Variants in ROBO3 observed in about 807,000 individuals in gnomAD.
ROBO3 encodes the protein roundabout homolog 3.
In ROBO3, 97 loss-of-function variants were observed where a neutral mutation model predicts 160.5. That is an observed-to-expected ratio of 0.60 (90% CI 0.51 to 0.72). ROBO3 has a LOEUF of 0.72. Ranked by LOEUF, ROBO3 falls within the 30% of genes least tolerant of loss-of-function variation. The pLI, the probability that ROBO3 is intolerant of heterozygous loss-of-function variation, is 0.00. For synonymous variants in ROBO3, 780 were observed against 746.2 expected (o/e 1.05, Z -0.74); for missense variants, 1,858 against 1,846.5 (o/e 1.01, Z -0.11).
intron 1 of ROBO3, among the ~76,000 whole-genome samples, chr11:124,866,604 G>T (rs969327995): frequency 6.6e-6 from 1 of 152,254 alleles, no homozygotes; most frequent in African/African-American, 2.4e-5. Context: ...TGGAGAGAAA[G>T]GAGACCCTGG....
intron 27 of ROBO3, 129 bp downstream of exon 27, chr11:124,880,737 A>T: frequency 2.3e-6 from 3 of 1,284,780 alleles, no homozygotes; most frequent in Non-Finnish European, 3.1e-6. Context: ...CGAGAGGGTG[A>T]GGGGGAGGGA....
At chr11:124,870,537 C>T in intron 5 of ROBO3, 64 bp from the exon 6 acceptor site, 2 of 1,608,650 alleles carry the variant, frequency 1.2e-6, no homozygotes, top group Non-Finnish European at 1.7e-6. Context: ...TGGTGTCTGT[C>T]CTGGGGGAGA....
Position 124,871,046 on chromosome 11 carries a change from C to T in ROBO3, c.1066C>T (p.Gln356Ter), listed in dbSNP as rs1946274619. Residue 356 changes from glutamine (Q) to a stop codon, truncating the protein, a stop_gained, in exon 7 of 28, where the codon CAG becomes TAG. Coordinates refer to ENST00000397801, the MANE Select transcript of ROBO3 (RefSeq NM_022370.4). LOFTEE classifies it high-confidence loss of function. Reference protein sequence around the residue: ...PPQLVTQPQDQMAAPGESVAF... With the variant: ...PPQLVTQPQD The stretch of plus-strand genomic sequence containing the variant: ...CCAGTTGGTGACCCAGCCCCAGGAC[C>T]AGATGGCAGCTCCTGGAGAGAGCGT... 1.2e-6 allele frequency: 2 copies of T among 1,610,256 alleles called. No individual in the cohort carries two copies. The highest frequency in any genetic ancestry group is 1.7e-5 in the Admixed American group (1 of 59,936).
Position 124,873,993 on chromosome 11 carries a change from T to C in ROBO3, c.1785-77T>C. 6.3e-7 allele frequency: 1 copy of C among 1,595,264 alleles called. No homozygotes were observed. The highest frequency in any genetic ancestry group is 1.1e-5 in the South Asian group (1 of 89,378). The stretch of plus-strand genomic sequence containing the variant: ...AAGGGGAAGACATAATGGTCGTTCA[T>C]AGAGAGTGGATGAGATGGAGTAGGC... On this transcript the variant is annotated intron_variant, in intron 11 of 27. Transcript: ENST00000397801. The surrounding 1 kb of genome is among the most constrained non-coding windows in gnomAD (Gnocchi z 4.5).
rs1200979975 is a variant in ROBO3 at position 124,869,485 on chromosome 11, G to A, written c.523G>A (p.Val175Met). The part of the protein sequence containing the change: ...RDDFRQSPGN[V>M]VVAVGEPAVL... ...TGATTTCCGGCAGTCTCCTGGAAAC[G>A]TGGTGGTGGCAGTGGGGGAGCCAGC... The change falls in exon 3 of 28, where the codon GTG becomes ATG. Residue 175 changes from valine to methionine, a missense_variant. Transcript: ENST00000397801. The surrounding 1 kb of genome is among the most constrained non-coding windows in gnomAD (Gnocchi z 4.2). The A allele has an allele frequency of 2.0e-6, 3 of 1,467,210 alleles. No individual in the cohort carries two copies. In the Admixed American group the frequency reaches 6.2e-5, roughly 30 times the overall value. 90.9% of individuals were successfully genotyped at this position (1,467,210 alleles called of 1,614,324 possible).
At chr11:124,879,364 T>C (rs1421388149) in intron 24 of ROBO3, 23 bp downstream of exon 24, 1 of 1,606,712 alleles carries the variant, frequency 6.2e-7, no homozygotes, top group African/African-American at 1.3e-5. Flanking sequence ...AACCTCCTTT[T>C]GCCCCCCGGC....
chr11:124,875,474 T>C, intron 14 of ROBO3, 90 bp from the exon 15 acceptor site: 1 of 1,585,566 alleles, frequency 6.3e-7, no homozygotes, highest in Non-Finnish European at 8.6e-7. Flanking sequence ...TTCCCTAAGA[T>C]GTTAGAACAG....
rs753468449 is a variant in ROBO3 at position 124,865,540 on chromosome 11, C to A, written c.-38C>A. ...ACGGGTCTCAGACCCAGGGGCTGGG[C>A]CCCCAGCCCCCAGTCCCGATCCCAG... On this transcript the variant is annotated 5_prime_UTR_variant, in exon 1 of 28. Coordinates refer to ENST00000397801, the MANE Select transcript of ROBO3 (RefSeq NM_022370.4). This position sits in a 1 kb window ranked among gnomAD's most constrained non-coding sequence, Gnocchi z 5.5. The A allele has an allele frequency of 1.3e-6, 2 of 1,593,300 alleles. No individual in the cohort carries two copies. Among genetic ancestry groups the A allele is most frequent in the African/African-American group, 1.3e-5 (1 of 74,520 alleles).
chr11:124,876,845 G>T lies in ROBO3; in HGVS notation c.2780-316G>T. 1 of 563,664 alleles carries T rather than the reference G, an allele frequency of 1.8e-6. No homozygotes were observed. Among genetic ancestry groups the T allele is most frequent in the Non-Finnish European group, 3.2e-6 (1 of 316,772 alleles). 34.9% of individuals were successfully genotyped at this position (563,664 alleles called of 1,614,324 possible). A position where few individuals can be genotyped will look rare whatever the true frequency, so the allele number is the denominator to read the frequency against. ...TAAATTGTGCGGCGGGGTCTGGATGGAAAGGCGGGGCCCGCTGAAAGAAGG... is the reference window on the plus strand; with the variant it reads ...TAAATTGTGCGGCGGGGTCTGGATGTAAAGGCGGGGCCCGCTGAAAGAAGG... On this transcript the variant is annotated intron_variant, in intron 17 of 27. Coordinates refer to ENST00000397801, the MANE Select transcript of ROBO3 (RefSeq NM_022370.4). This position sits in a 1 kb window ranked among gnomAD's most constrained non-coding sequence, Gnocchi z 5.3.
chr11:124,873,988 G>A lies in ROBO3; in HGVS notation c.1785-82G>A, dbSNP rs1056397596. Reference sequence around the variant, plus strand: ...CTTGCAAGGGGAAGACATAATGGTCGTTCATAGAGAGTGGATGAGATGGAG... The same window carrying A: ...CTTGCAAGGGGAAGACATAATGGTCATTCATAGAGAGTGGATGAGATGGAG... On this transcript the variant is annotated intron_variant, in intron 11 of 27. Coordinates refer to ENST00000397801, the MANE Select transcript of ROBO3 (RefSeq NM_022370.4). This position sits in a 1 kb window ranked among gnomAD's most constrained non-coding sequence, Gnocchi z 4.5. 33 of 1,588,878 alleles carry A rather than the reference G, an allele frequency of 2.1e-5. No individual in the cohort carries two copies. In the Middle Eastern group the frequency reaches 5.2e-4, roughly 25 times the overall value.
Position 124,869,433 on chromosome 11 carries a change from C to CT in ROBO3, c.488-17_488-16insT. 7.6e-7 allele frequency: 1 copy of CT among 1,317,812 alleles called. No individual in the cohort carries two copies. The highest frequency in any genetic ancestry group is 1.1e-6 in the Non-Finnish European group (1 of 937,240). The allele number at this position is 1,317,812 out of a possible 1,614,324, so 81.6% of individuals were successfully genotyped here. A position where few individuals can be genotyped will look rare whatever the true frequency, so the allele number is the denominator to read the frequency against. ...ACTCTACACCCTGCTTATTTCGCCC[C>CT]CCACCGCCCCGCCCAGTCCTCCGTG... On this transcript the variant is annotated splice_polypyrimidine_tract_variant and intron_variant, in intron 2 of 27. Transcript: ENST00000397801. This position sits in a 1 kb window ranked among gnomAD's most constrained non-coding sequence, Gnocchi z 4.2.
chr11:124,867,701 G>C (rs988379589), intron 1 of ROBO3, among the ~76,000 whole-genome samples: 7 of 151,708 alleles, frequency 4.6e-5, no homozygotes, highest in South Asian at 2.1e-4. Context: ...ACTTCTAAGA[G>C]GGGGGGCAGG....
At chr11:124,866,882 ACCCT>A (rs1184502801) in intron 1 of ROBO3, among the ~76,000 whole-genome samples, 2 of 151,850 alleles carry the variant, frequency 1.3e-5, no homozygotes, top group African/African-American at 4.8e-5. Flanking sequence ...CAACCTCTTG[ACCCT>A]CCTAGATTTC....
chr11:124,872,461 G>A lies in ROBO3; in HGVS notation c.1239G>A (p.Ala413=), dbSNP rs762488491. Residue 413 remains alanine (A), a synonymous_variant, in exon 8 of 28, where the codon GCG becomes GCA. Transcript: ENST00000397801. The surrounding 1 kb of genome is among the most constrained non-coding windows in gnomAD (Gnocchi z 4.3). ...VSPRGQLNIT[A]VQRGDAGYYV... is the part of the protein sequence containing the mutation. The stretch of plus-strand genomic sequence containing the variant: ...CAAGAGGCCAACTTAACATCACCGC[G>A]GTGCAGCGTGGGGATGCTGGGTACT... The A allele has an allele frequency of 8.1e-6, 13 of 1,613,968 alleles. No individual in the cohort carries two copies. Among genetic ancestry groups the A allele is most frequent in the East Asian group, 2.2e-5 (1 of 44,868 alleles).
chr11:124,880,740 GGGAGGGA>G, intron 27 of ROBO3, 132 bp downstream of exon 27: 4 of 1,320,416 alleles, frequency 3.0e-6, no homozygotes, highest in African/African-American at 1.5e-5. Flanking sequence ...GAGGGTGAGG[GGGAGGGA>G]GGAATCCTGT....
chr11:124,865,695 C>G lies in ROBO3; in HGVS notation c.118C>G (p.Leu40Val). The change falls in exon 1 of 28, where the codon CTC becomes GTC. Residue 40 changes from leucine to valine, a missense_variant. Transcript: ENST00000397801. The surrounding 1 kb of genome is among the most constrained non-coding windows in gnomAD (Gnocchi z 5.5). ...LLGFNSSLAA[L>V]NHTLLPPGDP... is the part of the protein sequence containing the mutation. ...GGGCTTCAACTCCTCGCTGGCGGCG[C>G]TCAACCACACCCTGCTGCCTCCCGG... 1 of 1,611,472 alleles carries G rather than the reference C, an allele frequency of 6.2e-7. No homozygotes were observed. The highest frequency in any genetic ancestry group is 1.7e-5 in the Admixed American group (1 of 59,760).
chr11:124,867,069 T>C (rs560597720), intron 1 of ROBO3, among the ~76,000 whole-genome samples: 1 of 152,274 alleles, frequency 6.6e-6, no homozygotes, highest in South Asian at 2.1e-4. Context: ...GAAAACGCTT[T>C]ATAGAGTGAA....
Position 124,865,616 on chromosome 11 carries a change from C to A in ROBO3, c.39C>A (p.Asn13Lys). The A allele has an allele frequency of 6.2e-7, 1 of 1,612,968 alleles. No homozygotes were observed. The highest frequency in any genetic ancestry group is 8.5e-7 in the Non-Finnish European group (1 of 1,179,776). Residue 13 changes from asparagine (N) to lysine (K), a missense_variant, in exon 1 of 28, where the codon AAC becomes AAA. By Grantham distance (94) the Asn-to-Lys change is moderately conservative. Transcript: ENST00000397801. This position sits in a 1 kb window ranked among gnomAD's most constrained non-coding sequence, Gnocchi z 5.5. ...TGCTGAAAACGCTGCTGCAGATGAA[C>A]TTGTTCGCGGACTCTCTGGCCGGGG... ...RYLLKTLLQM[N>K]LFADSLAGDI...
Position 124,865,782 on chromosome 11 carries a change from G to T in ROBO3, c.160+45G>T, listed in dbSNP as rs1450065889. The T allele has an allele frequency of 6.5e-7, 1 of 1,550,106 alleles. No homozygotes were observed. Among genetic ancestry groups the T allele is most frequent in the African/African-American group, 1.4e-5 (1 of 73,876 alleles). ...GGATATGGGATCCTGGGATGGGGAT[G>T]AGGTGAGAGGGCGGCGTGGAAGGGA... is the stretch of plus-strand genomic sequence containing the variant. On this transcript the variant is annotated intron_variant, in intron 1 of 27. Coordinates refer to ENST00000397801, the MANE Select transcript of ROBO3 (RefSeq NM_022370.4). The surrounding 1 kb of genome is among the most constrained non-coding windows in gnomAD (Gnocchi z 5.5).
Sources: gnomAD v4.1 joint callset for allele counts (sites outside exome capture counted in the v4.1 genomes callset) on GRCh38, gnomAD v4.1.1 for gene constraint, Gnocchi (gnomAD v3.1) non-coding constraint, MANE v1.5 for transcripts, NCBI Gene and HGNC (gene_info 2026-07-23, HGNC 2026-07-21) for gene names.